The following EFCAB6 variants were observed in gnomAD, a reference collection of about 807,000 sequenced individuals.
The protein encoded by EFCAB6 is EF-hand calcium binding domain 6.
A neutral mutation model predicts 169.8 loss-of-function variants in EFCAB6; 156 were observed. That is an observed-to-expected ratio of 0.92 (90% CI 0.81 to 1.05). The LOEUF (loss-of-function observed/expected upper bound fraction) is 1.05, where lower values mean the gene tolerates loss of function less well. Ranked by LOEUF, EFCAB6 falls within the 50% of genes least tolerant of loss-of-function variation. The pLI is 0.00. For synonymous variants in EFCAB6, 698 were observed against 676.4 expected (o/e 1.03, Z -0.50); for missense variants, 1,800 against 1,829.1 (o/e 0.98, Z 0.29).
At chr22:43,705,653 TA>T (rs573298649) in intron 10 of EFCAB6, among the ~76,000 whole-genome samples, 102 of 151,940 alleles carry the variant, frequency 6.7e-4, no homozygotes, top group African/African-American at 2.4e-3. Context: ...CAACAAACAA[TA>T]AAGAAATTAA....
At chr22:43,802,817 G>C (rs1429809800) in intron 2 of EFCAB6, 5 of 453,194 alleles carry the variant, frequency 1.1e-5, no homozygotes, top group South Asian at 8.7e-5. Flanking sequence ...TCTGATGACT[G>C]TACAGTTTGA....
intron 2 of EFCAB6, chr22:43,802,721 G>C: frequency 2.0e-6 from 1 of 506,304 alleles, no homozygotes; most frequent in South Asian, 1.4e-5. Flanking sequence ...TGCACAACAT[G>C]GAGATGCCAA....
rs1425133964 is a variant in EFCAB6, at chr22:43,755,771, C to T, written c.502G>A (p.Glu168Lys). ...TTCTTTAAAATCTCTATTACCTTTT[C>T]TCCCACTTGGATTTCAAGTTCTCTT... ...TLRELEIQVG[E>K]KVFKNIKTVM... is the part of the protein sequence containing the mutation. The change falls in exon 6 of 32, where the codon GAA (glutamate) becomes AAA (lysine). Residue 168 changes from glutamate (E) to lysine (K), a missense_variant. By Grantham distance (56) the Glu-to-Lys change is moderately conservative (BLOSUM62 1). Transcript: ENST00000262726. 6 of 1,606,846 alleles carry T rather than the reference C, an allele frequency of 3.7e-6. No individual in the cohort carries two copies. Among genetic ancestry groups the T allele is most frequent in the Non-Finnish European group, 4.2e-6 (5 of 1,177,664 alleles).
chr22:43,805,152 A>G (rs1170538062), intron 2 of EFCAB6, among the ~76,000 whole-genome samples: 1 of 152,238 alleles, frequency 6.6e-6, no homozygotes, highest in Non-Finnish European at 1.5e-5. Flanking sequence ...CTAAGAATCA[A>G]TTTAACCAAC....
At chr22:43,697,945 T>C (rs949306860) in intron 10 of EFCAB6, among the ~76,000 whole-genome samples, 26 of 152,184 alleles carry the variant, frequency 1.7e-4, no homozygotes, top group African/African-American at 6.3e-4. Flanking sequence ...GGACTGATCA[T>C]ATCGGTCATA....
chr22:43,696,774 T>C (rs1430009041), intron 10 of EFCAB6, among the ~76,000 whole-genome samples: 2 of 152,068 alleles, frequency 1.3e-5, no homozygotes, highest in African/African-American at 2.4e-5. Flanking sequence ...AGAGAGCAAG[T>C]CAATGGTTGC....
chr22:43,590,184 G>C lies in EFCAB6; in HGVS notation c.2922C>G (p.Thr974=). The change falls in exon 24 of 32, where the codon ACC becomes ACG. Residue 974 remains threonine (T), a synonymous_variant. Coordinates refer to ENST00000262726, the MANE Select transcript of EFCAB6 (RefSeq NM_022785.4). ...AGTTGGTTTTGGATTGATCAGTTTTGGTGAATGCTTTGCTGATATCTTGAT... is the reference window on the plus strand; with the variant it reads ...AGTTGGTTTTGGATTGATCAGTTTTCGTGAATGCTTTGCTGATATCTTGAT... ...DRHQDISKAF[T]KTDQSKTNYI... is the part of the protein sequence containing the mutation. The C allele has an allele frequency of 6.2e-7, 1 of 1,614,034 alleles. No homozygotes were observed. Among genetic ancestry groups the C allele is most frequent in the Non-Finnish European group, 8.5e-7 (1 of 1,179,984 alleles).
intron 20 of EFCAB6, among the ~76,000 whole-genome samples, chr22:43,619,010 A>T (rs779145292): frequency 9.2e-5 from 14 of 152,202 alleles, no homozygotes; most frequent in Admixed American, 2.0e-4. Context: ...TTTTCTAGCC[A>T]GAAGACCCAG....
rs140785797 is a variant in EFCAB6, at chr22:43,782,730, T to A, written c.-7-405A>T. On this transcript the variant is annotated intron_variant, in intron 2 of 31. Transcript: ENST00000262726. ...GATGACAGGAGCGAAACTGGTGGAG[T>A]AAGGACCTCCGAAAATCCTCTCCTT... Among the ~76,000 whole-genome samples, 65 of 152,044 alleles carry A rather than the reference T, an allele frequency of 4.3e-4. 1 individual carries two copies. The Middle Eastern group carries it at 0.02, about 48-fold the overall frequency.
chr22:43,594,293 A>G (rs1337293805), intron 23 of EFCAB6, among the ~76,000 whole-genome samples: 1 of 146,814 alleles, frequency 6.8e-6, no homozygotes, highest in Non-Finnish European at 1.5e-5. Flanking sequence ...AAAAAAAAAA[A>G]AAAAAGAAAA....
At chr22:43,726,110 AT>A (rs1446952110) in intron 8 of EFCAB6, among the ~76,000 whole-genome samples, 1 of 152,156 alleles carries the variant, frequency 6.6e-6, no homozygotes, top group Non-Finnish European at 1.5e-5. Context: ...TCATTTAGGC[AT>A]TGGGGATACA....
In EFCAB6 at chr22:43,716,829, GCTTAGGAAAACAT is replaced by G. The variant is rs2059347267; in HGVS notation, c.882+6_882+18del. On this transcript the variant is annotated splice_donor_region_variant and intron_variant, in intron 9 of 31. Transcript: ENST00000262726. ...TGTGTTTACTCTGTAGGTAATTGTG[GCTTAGGAAAACAT>G]CTTACTTGTAGACAAAAGTTCCTCT... The G allele has an allele frequency of 6.3e-7, 1 of 1,594,132 alleles. No homozygotes were observed. The highest frequency in any genetic ancestry group is 1.3e-5 in the African/African-American group (1 of 74,136).
intron 31 of EFCAB6, chr22:43,530,502 G>C (rs1194413759): frequency 3.1e-6 from 3 of 978,308 alleles, no homozygotes; most frequent in African/African-American, 1.8e-5. Flanking sequence ...AGAGGGCTCG[G>C]AGCAGCAGCA....
chr22:43,556,369 G>A (rs551149102), intron 26 of EFCAB6, among the ~76,000 whole-genome samples: 1 of 152,326 alleles, frequency 6.6e-6, no homozygotes, highest in Admixed American at 6.5e-5. Context: ...GGGGCTAGAA[G>A]ACACGCGTGG....
chr22:43,677,595 G>C (rs1052943907), intron 13 of EFCAB6, among the ~76,000 whole-genome samples: 1 of 152,056 alleles, frequency 6.6e-6, no homozygotes, highest in Non-Finnish European at 1.5e-5. Flanking sequence ...GCAGTGAGCC[G>C]AGATCATGCC....
At chr22:43,679,790 G>C (rs890918965) in intron 12 of EFCAB6, among the ~76,000 whole-genome samples, 3 of 151,886 alleles carry the variant, frequency 2.0e-5, no homozygotes. Flanking sequence ...AGATCTTCTT[G>C]GGTAAAATGT....
intron 19 of EFCAB6, among the ~76,000 whole-genome samples, chr22:43,629,511 T>C (rs1389818945): frequency 6.6e-6 from 1 of 152,138 alleles, no homozygotes; most frequent in African/African-American, 2.4e-5. Context: ...CAAATACAAA[T>C]CGGTCATGTG....
chr22:43,806,911 A>G (rs2062941492), intron 2 of EFCAB6, among the ~76,000 whole-genome samples: 1 of 152,204 alleles, frequency 6.6e-6, no homozygotes, highest in Non-Finnish European at 1.5e-5. Context: ...GATAAAAGCC[A>G]CTCGTAATTC....
intron 13 of EFCAB6, among the ~76,000 whole-genome samples, chr22:43,674,705 T>G (rs555652291): frequency 6.6e-6 from 1 of 152,236 alleles, no homozygotes; most frequent in Non-Finnish European, 1.5e-5. Context: ...AAACGGATTC[T>G]TAACATTTTA....
Sources: allele counts gnomAD v4.1 joint callset (sites outside exome capture counted in the v4.1 genomes callset), GRCh38; gene constraint gnomAD v4.1.1; transcripts MANE v1.5; gene names NCBI Gene and HGNC (gene_info 2026-07-23, HGNC 2026-07-21).